The following SUCLG2 variants were observed in gnomAD, a reference collection of about 807,000 sequenced individuals.
SUCLG2 encodes succinate--CoA ligase [GDP-forming] subunit beta, mitochondrial.
SUCLG2 carries 42 observed loss-of-function variants against 47.9 expected under a neutral mutation model. That is an observed-to-expected ratio of 0.88 (90% CI 0.69 to 1.14). SUCLG2 has a LOEUF of 1.14. Among genes scored for constraint, SUCLG2 ranks in the 50% most tolerant of loss-of-function variants. SUCLG2 has a pLI of 0.00. For missense variants in SUCLG2, 571 were observed against 525.9 expected, an observed-to-expected ratio of 1.09 and a Z score of -0.84; for synonymous variants, 195 against 197.3, an observed-to-expected ratio of 0.99 and a Z score of 0.10.
At chr3:67,458,088 A>C (rs1704233653) in intron 9 of SUCLG2, among the ~76,000 whole-genome samples, 1 of 152,070 alleles carries the variant, frequency 6.6e-6, no homozygotes, top group Non-Finnish European at 1.5e-5. Context: ...ATGGAGACAG[A>C]GGGGCCTTCA....
intron 1 of SUCLG2, among the ~76,000 whole-genome samples, chr3:67,615,621 A>AACACACACACACACACACACACACACAC (rs60992383): frequency 4.9e-5 from 7 of 142,084 alleles, no homozygotes; most frequent in African/African-American, 1.6e-4. Flanking sequence ...CACAAACACA[A>AACACACACACACACACACACACACACAC]ACACACACAC....
Position 67,441,313 on chromosome 3 carries a change from T to G in SUCLG2, c.1063-40462A>C, listed in dbSNP as rs189403135. Among the ~76,000 whole-genome samples, 988 of 151,714 alleles carry G rather than the reference T, an allele frequency of 6.5e-3. 9 individuals carry two copies. The highest frequency in any genetic ancestry group is 8.7e-3 in the Admixed American group (132 of 15,230). ...ATGGGTGCAGCAAACCACCATGGCA[T>G]GTGTATAACTATGTAACAAACGTGC... On this transcript the variant is annotated intron_variant, in intron 9 of 10. Coordinates refer to ENST00000307227, the MANE Select transcript of SUCLG2 (RefSeq NM_003848.4).
intron 9 of SUCLG2, among the ~76,000 whole-genome samples, chr3:67,464,247 C>G (rs1704412904): frequency 6.6e-6 from 1 of 152,172 alleles, no homozygotes; most frequent in African/African-American, 2.4e-5. Context: ...AGTATAAGCA[C>G]CAACCTCTTC....
At chr3:67,483,173 C>A (rs1553649172) in intron 9 of SUCLG2, among the ~76,000 whole-genome samples, 1 of 151,822 alleles carries the variant, frequency 6.6e-6, no homozygotes, top group African/African-American at 2.4e-5. Flanking sequence ...CCTCTAATTG[C>A]GAGAGAGTTG....
intron 2 of SUCLG2, among the ~76,000 whole-genome samples, chr3:67,601,833 T>A (rs1708425557): frequency 6.6e-6 from 1 of 151,816 alleles, no homozygotes; most frequent in African/African-American, 2.4e-5. Context: ...AATATAAAAA[T>A]TAGCTGGGCA....
intron 9 of SUCLG2, among the ~76,000 whole-genome samples, chr3:67,437,307 A>G (rs1303114074): frequency 6.6e-6 from 1 of 152,214 alleles, no homozygotes. Context: ...ATAAGGATCA[A>G]TCACTAGGGG....
intron 2 of SUCLG2, among the ~76,000 whole-genome samples, chr3:67,546,782 T>C (rs1352127754): frequency 2.0e-5 from 3 of 151,502 alleles, no homozygotes; most frequent in African/African-American, 7.3e-5. Flanking sequence ...GTGCCTGTAA[T>C]CCCAGCTACT....
At chr3:67,381,725 C>T (rs1256797061) in intron 10 of SUCLG2, among the ~76,000 whole-genome samples, 2 of 152,036 alleles carry the variant, frequency 1.3e-5, no homozygotes, top group East Asian at 3.9e-4. Flanking sequence ...CCACTGCAGG[C>T]CTTAAAAATG....
intron 3 of SUCLG2, 60 bp downstream of exon 3, chr3:67,529,027 G>A (rs1253470962): frequency 4.1e-6 from 6 of 1,461,266 alleles, no homozygotes; most frequent in Non-Finnish European, 4.7e-6. Context: ...TTTCAATCTT[G>A]AGCAAGATCT....
intron 1 of SUCLG2, among the ~76,000 whole-genome samples, chr3:67,627,577 G>T (rs1318328102): frequency 6.6e-6 from 1 of 152,208 alleles, no homozygotes; most frequent in Non-Finnish European, 1.5e-5. Context: ...CTGCGGGGCT[G>T]ATAATCCTGC....
chr3:67,435,756 C>T (rs1280543567), intron 9 of SUCLG2, among the ~76,000 whole-genome samples: 1 of 152,272 alleles, frequency 6.6e-6, no homozygotes, highest in South Asian at 2.1e-4. Flanking sequence ...CAAGTACAGA[C>T]AAGACAACAT....
At position 67,444,146 on chromosome 3, in the gene SUCLG2, C is replaced by T. The variant is rs1458874643; in HGVS notation, c.1063-43295G>A. 8.4e-3 allele frequency among the ~76,000 whole-genome samples: 401 copies of T among 47,534 alleles called. 9 individuals carry two copies. Among genetic ancestry groups the T allele is most frequent in the African/African-American group, 0.026 (369 of 14,150 alleles). The allele number at this position is 47,534 out of a possible 152,430, so 31.2% of individuals were successfully genotyped here. On this transcript the variant is annotated intron_variant, in intron 9 of 10. Transcript: ENST00000307227. The stretch of plus-strand genomic sequence containing the variant: ...CCCCCGCCTGGCCAGCCGTGCCGTC[C>T]GGGAGGGAGGTGGGGGAGTCAGCCC...
At chr3:67,547,127 C>T (rs988453990) in intron 2 of SUCLG2, among the ~76,000 whole-genome samples, 11 of 152,210 alleles carry the variant, frequency 7.2e-5, no homozygotes, top group Non-Finnish European at 1.0e-4. Flanking sequence ...GGGCAGAGAC[C>T]TCCTGCATGG....
At chr3:67,422,337 T>C (rs1703179559) in intron 9 of SUCLG2, among the ~76,000 whole-genome samples, 2 of 150,504 alleles carry the variant, frequency 1.3e-5, no homozygotes, top group African/African-American at 2.4e-5. Context: ...TAGCTGGGCA[T>C]GGTGGTGTGC....
chr3:67,424,851 G>C (rs1457150857), intron 9 of SUCLG2, among the ~76,000 whole-genome samples: 1 of 152,040 alleles, frequency 6.6e-6, no homozygotes, highest in Non-Finnish European at 1.5e-5. Context: ...CATTTTATCT[G>C]GCTGAATATG....
At chr3:67,638,729 T>C (rs948805290) in intron 1 of SUCLG2, among the ~76,000 whole-genome samples, 7 of 152,130 alleles carry the variant, frequency 4.6e-5, no homozygotes, top group African/African-American at 1.7e-4. Context: ...GTCTGACAGG[T>C]GGGTGTTCAA....
chr3:67,427,921 C>T (rs1030631588), intron 9 of SUCLG2, among the ~76,000 whole-genome samples: 4 of 152,168 alleles, frequency 2.6e-5, no homozygotes, highest in African/African-American at 9.7e-5. Flanking sequence ...GGGGGAGGGG[C>T]GTCCACCATT....
intron 9 of SUCLG2, among the ~76,000 whole-genome samples, chr3:67,449,251 A>G (rs1057472728): frequency 6.6e-6 from 1 of 152,222 alleles, no homozygotes; most frequent in African/African-American, 2.4e-5. Flanking sequence ...TTCCAAAAGC[A>G]AGTAAAGAGT....
At chr3:67,633,695 C>T (rs543218012) in intron 1 of SUCLG2, among the ~76,000 whole-genome samples, 1 of 152,136 alleles carries the variant, frequency 6.6e-6, no homozygotes, top group Non-Finnish European at 1.5e-5. Context: ...TAAAACAAAA[C>T]TTTGTTAGGC....
Sources: allele counts gnomAD v4.1 joint callset (sites outside exome capture counted in the v4.1 genomes callset), GRCh38; gene constraint gnomAD v4.1.1; transcripts MANE v1.5; gene names NCBI Gene and HGNC (gene_info 2026-07-23, HGNC 2026-07-21).